Variants in KCNB2 observed in about 807,000 individuals in gnomAD.
KCNB2 encodes potassium voltage-gated channel subfamily B member 2, also known as delayed rectifier potassium channel protein.
Under a neutral mutation model 61.5 loss-of-function variants are expected in KCNB2, and 15 were observed. That is an observed-to-expected ratio of 0.24 (90% CI 0.16 to 0.38). The LOEUF (loss-of-function observed/expected upper bound fraction) is 0.38. Ranked by LOEUF, KCNB2 falls within the 10% of genes least tolerant of loss-of-function variation. KCNB2 has a pLI of 1.00. For synonymous variants in KCNB2, 457 were observed against 446.0 expected, an observed-to-expected ratio of 1.02 and a Z score of -0.31; for missense variants, 828 against 1,125.2, an observed-to-expected ratio of 0.74 and a Z score of 3.78.
chr8:72,806,731 G>A (rs1809231186), intron 2 of KCNB2, among the ~76,000 whole-genome samples: 1 of 152,188 alleles, frequency 6.6e-6, no homozygotes, highest in African/African-American at 2.4e-5. Context: ...TGTCCAGTGT[G>A]CACCTGAACC....
intron 2 of KCNB2, among the ~76,000 whole-genome samples, chr8:72,835,409 A>G (rs1809765089): frequency 6.6e-6 from 1 of 152,196 alleles, no homozygotes; most frequent in African/African-American, 2.4e-5. Context: ...CAAGATGCCA[A>G]ATGAAAGATG....
chr8:72,856,803 G>A (rs1425171420), intron 2 of KCNB2, among the ~76,000 whole-genome samples: 1 of 152,060 alleles, frequency 6.6e-6, no homozygotes, highest in Non-Finnish European at 1.5e-5. Context: ...GCCAACAACT[G>A]GAATACTGTT....
At position 72,567,690 on chromosome 8, in the gene KCNB2, C is replaced by T. The variant is rs1423339215; in HGVS notation, c.-45C>T. ...CCAGAGGGATATTGCTTCAGTTGACCTCATTTTTTAAGGACCCTGGCTCTG... is the reference window on the plus strand; with the variant it reads ...CCAGAGGGATATTGCTTCAGTTGACTTCATTTTTTAAGGACCCTGGCTCTG... On this transcript the variant is annotated 5_prime_UTR_variant, in exon 2 of 3. Coordinates refer to ENST00000523207, the MANE Select transcript of KCNB2 (RefSeq NM_004770.3). The T allele has an allele frequency of 5.9e-6, 8 of 1,365,518 alleles. No individual in the cohort carries two copies. The highest frequency in any genetic ancestry group is 4.7e-5 in the East Asian group (2 of 42,826). The allele number at this position is 1,365,518 out of a possible 1,614,324, so 84.6% of individuals were successfully genotyped here.
chr8:72,934,394 CAAAAAAAAAA>C (rs11392513), intron 2 of KCNB2, among the ~76,000 whole-genome samples: 2 of 83,852 alleles, frequency 2.4e-5, no homozygotes, highest in Admixed American at 1.4e-4. Flanking sequence ...TCACCCCCCG[CAAAAAAAAAA>C]AAAAAAAAAA....
chr8:72,773,642 GC>G (rs1295631027), intron 2 of KCNB2, among the ~76,000 whole-genome samples: 2 of 152,142 alleles, frequency 1.3e-5, no homozygotes, highest in African/African-American at 4.8e-5. Flanking sequence ...GTCTGCCCAA[GC>G]TGTTTTTGGC....
At chr8:72,846,578 C>G (rs1430814982) in intron 2 of KCNB2, among the ~76,000 whole-genome samples, 1 of 149,548 alleles carries the variant, frequency 6.7e-6, no homozygotes, top group East Asian at 1.9e-4. Context: ...AAAAAAAAAA[C>G]CATCAAAAAG....
At chr8:72,708,293 C>A (rs1193300733) in intron 2 of KCNB2, among the ~76,000 whole-genome samples, 1 of 129,890 alleles carries the variant, frequency 7.7e-6, no homozygotes, top group African/African-American at 3.2e-5. Context: ...AATTTGTGTT[C>A]TCTATTTGGC....
chr8:72,936,751 G>A lies in KCNB2; in HGVS notation c.1396G>A (p.Asp466Asn), dbSNP rs1210499609. Reference sequence around the variant, plus strand: ...CTTCGCTCGAAGTATGGAACTGATAGATGTGGCTGTTGAGAAGGCCGGAGA... The same window carrying A: ...CTTCGCTCGAAGTATGGAACTGATAAATGTGGCTGTTGAGAAGGCCGGAGA... ...DAFARSMELI[D>N]VAVEKAGESA... The change falls in exon 3 of 3, where the codon GAT becomes AAT. Residue 466 changes from aspartate (D) to asparagine (N), a missense_variant. Transcript: ENST00000523207. This position sits in a 1 kb window ranked among gnomAD's most constrained non-coding sequence, Gnocchi z 5.6. The A allele has an allele frequency of 1.2e-6, 2 of 1,614,076 alleles. No homozygotes were observed. Among genetic ancestry groups the A allele is most frequent in the Non-Finnish European group, 1.7e-6 (2 of 1,180,042 alleles).
In KCNB2 at chr8:72,936,618, T is replaced by C. The variant is rs369490973; in HGVS notation, c.1263T>C (p.Ser421=). 5.6e-6 allele frequency: 9 copies of C among 1,614,068 alleles called. No individual in the cohort carries two copies. In the East Asian group the frequency reaches 6.7e-5, roughly 12 times the overall value. The part of the protein sequence containing the change: ...LPIPIIVNNF[S]EFYKEQKRQE... ...TCCCAATTATTGTGAACAATTTTTC[T>C]GAGTTTTACAAGGAGCAGAAACGCC... is the stretch of plus-strand genomic sequence containing the variant. The change falls in exon 3 of 3, where the codon TCT becomes TCC. Residue 421 remains serine, a synonymous_variant. Transcript: ENST00000523207. The surrounding 1 kb of genome is among the most constrained non-coding windows in gnomAD (Gnocchi z 5.6).
At chr8:72,770,378 A>G (rs755369140) in intron 2 of KCNB2, among the ~76,000 whole-genome samples, 4 of 152,224 alleles carry the variant, frequency 2.6e-5, no homozygotes, top group Non-Finnish European at 5.9e-5. Flanking sequence ...AGACCTCTTA[A>G]GGAAACAATT....
At chr8:72,924,588 A>G (rs1806597226) in intron 2 of KCNB2, among the ~76,000 whole-genome samples, 1 of 152,136 alleles carries the variant, frequency 6.6e-6, no homozygotes. Flanking sequence ...AGAACCCAGG[A>G]GCAGATAATA....
chr8:72,769,348 T>C (rs1340303134), intron 2 of KCNB2, among the ~76,000 whole-genome samples: 1 of 152,128 alleles, frequency 6.6e-6, no homozygotes, highest in Non-Finnish European at 1.5e-5. Flanking sequence ...AGTTCCTGTG[T>C]TCTGGATTCT....
At chr8:72,559,559 G>A (rs1806480738) in intron 1 of KCNB2, among the ~76,000 whole-genome samples, 1 of 152,156 alleles carries the variant, frequency 6.6e-6, no homozygotes, top group South Asian at 2.1e-4. Flanking sequence ...GAGAGATCCA[G>A]GGCAGAAGGA....
At chr8:72,763,038 G>T (rs1441359074) in intron 2 of KCNB2, among the ~76,000 whole-genome samples, 1 of 104,676 alleles carries the variant, frequency 9.6e-6, no homozygotes, top group Non-Finnish European at 1.9e-5. Flanking sequence ...CGAGAACTTT[G>T]CAAAGTAAAA....
chr8:72,665,520 A>G (rs773749451), intron 2 of KCNB2, among the ~76,000 whole-genome samples: 2 of 141,280 alleles, frequency 1.4e-5, no homozygotes, highest in African/African-American at 5.1e-5. Context: ...AAATATTTTT[A>G]ATCAACATTA....
chr8:72,845,667 G>A (rs573095017), intron 2 of KCNB2, among the ~76,000 whole-genome samples: 2 of 152,326 alleles, frequency 1.3e-5, no homozygotes. Flanking sequence ...AGGCAGTCTG[G>A]CTATAGCAGC....
At chr8:72,560,157 CA>C (rs1806490807) in intron 1 of KCNB2, among the ~76,000 whole-genome samples, 1 of 152,156 alleles carries the variant, frequency 6.6e-6, no homozygotes, top group African/African-American at 2.4e-5. Flanking sequence ...TACTATGAGA[CA>C]GAGCCCAACT....
At chr8:72,657,549 A>C (rs900432467) in intron 2 of KCNB2, among the ~76,000 whole-genome samples, 1 of 152,146 alleles carries the variant, frequency 6.6e-6, no homozygotes, top group African/African-American at 2.4e-5. Flanking sequence ...AAAGGAAGGA[A>C]ATGGAACATT....
At chr8:72,665,929 A>G (rs1806463707) in intron 2 of KCNB2, among the ~76,000 whole-genome samples, 1 of 152,196 alleles carries the variant, frequency 6.6e-6, no homozygotes, top group Admixed American at 6.5e-5. Context: ...ATCACAGCAA[A>G]TGAGGCGGGT....
Sources: allele counts gnomAD v4.1 joint callset (sites outside exome capture counted in the v4.1 genomes callset), GRCh38; gene constraint gnomAD v4.1.1; non-coding constraint Gnocchi (gnomAD v3.1); transcripts MANE v1.5; gene names NCBI Gene and HGNC (gene_info 2026-07-23, HGNC 2026-07-21).